PLCB1: variants seen among roughly 807,000 people sequenced by gnomAD.
PLCB1 encodes phospholipase C beta 1, also known as 1-phosphatidylinositol 4,5-bisphosphate phosphodiesterase beta-1.
A neutral mutation model predicts 161.8 loss-of-function variants in PLCB1; 46 were observed. The ratio of observed to expected loss-of-function variants is 0.28; its 90% CI spans 0.22 to 0.36. PLCB1 has a LOEUF of 0.36. Among genes scored for constraint, PLCB1 ranks in the 10% least tolerant of loss-of-function variants. The pLI, the probability that PLCB1 is intolerant of heterozygous loss-of-function variation, is 1.00. For synonymous variants in PLCB1, 517 were observed against 503.7 expected, an observed-to-expected ratio of 1.03 and a Z score of -0.35; for missense variants, 1,016 against 1,472.5, an observed-to-expected ratio of 0.69 and a Z score of 5.07.
intron 10 of PLCB1, among the ~76,000 whole-genome samples, chr20:8,685,607 C>T (rs943036431): frequency 2.4e-4 from 35 of 148,188 alleles, no homozygotes; most frequent in Non-Finnish European, 1.2e-4. Context: ...CGTGGTGGTG[C>T]GTGCCTGTAA....
rs1356952853 is a variant in PLCB1 at position 8,765,128 on chromosome 20, A to G, written c.2711-11A>G. On this transcript the variant is annotated splice_polypyrimidine_tract_variant and intron_variant, in intron 25 of 31. Coordinates refer to ENST00000338037, the MANE Select transcript of PLCB1 (RefSeq NM_015192.4). ...TCCCATTCCCTTAGCTTTCATATTC[A>G]TTTGTTGCAGAAGTGGAAGCACAGA... The G allele has an allele frequency of 1.2e-6, 2 of 1,606,142 alleles. No individual in the cohort carries two copies. The highest frequency in any genetic ancestry group is 1.7e-6 in the Non-Finnish European group (2 of 1,176,098).
At chr20:8,541,756 A>AT (rs1281970913) in intron 3 of PLCB1, among the ~76,000 whole-genome samples, 1 of 152,154 alleles carries the variant, frequency 6.6e-6, no homozygotes, top group Non-Finnish European at 1.5e-5. Context: ...GCTTCACTTA[A>AT]TGGTTTAATT....
chr20:8,391,785 G>GTATATATATATA (rs374178427), intron 3 of PLCB1, among the ~76,000 whole-genome samples: 1 of 115,156 alleles, frequency 8.7e-6, no homozygotes, highest in Non-Finnish European at 1.8e-5. Context: ...ATATGTGTGT[G>GTATATATATATA]TATATATATA....
intron 3 of PLCB1, chr20:8,625,155 C>T (rs938124445): frequency 6.6e-6 from 1 of 152,162 alleles, no homozygotes; most frequent in Admixed American, 6.5e-5. Flanking sequence ...GAATGTCATA[C>T]TCTGGAAAAC....
intron 3 of PLCB1, among the ~76,000 whole-genome samples, chr20:8,409,851 C>G (rs1431922714): frequency 1.3e-5 from 2 of 152,028 alleles, no homozygotes; most frequent in Non-Finnish European, 2.9e-5. Flanking sequence ...TTGATATGAA[C>G]TATGAAGAAA....
intron 2 of PLCB1, among the ~76,000 whole-genome samples, chr20:8,165,792 CCTT>C (rs1373238014): frequency 2.0e-5 from 3 of 152,148 alleles, no homozygotes; most frequent in African/African-American, 7.2e-5. Flanking sequence ...AAAACCCTCT[CCTT>C]CTTGTTTAAA....
chr20:8,834,476 C>A (rs745343469), intron 31 of PLCB1, among the ~76,000 whole-genome samples: 1 of 151,970 alleles, frequency 6.6e-6, no homozygotes, highest in Non-Finnish European at 1.5e-5. Context: ...TGGAGGCTGG[C>A]AAGTCCAAAA....
At chr20:8,440,423 G>A (rs1980506795) in intron 3 of PLCB1, among the ~76,000 whole-genome samples, 1 of 152,182 alleles carries the variant, frequency 6.6e-6, no homozygotes. Context: ...ATTGAAGAAA[G>A]AAGGGAAGCA....
intron 3 of PLCB1, among the ~76,000 whole-genome samples, chr20:8,418,777 G>A (rs1371461931): frequency 6.6e-6 from 1 of 152,128 alleles, no homozygotes; most frequent in African/African-American, 2.4e-5. Flanking sequence ...AGAGGCATGG[G>A]TTGGCTGAAA....
intron 31 of PLCB1, among the ~76,000 whole-genome samples, chr20:8,823,045 G>A (rs73605714): frequency 6.6e-6 from 1 of 152,262 alleles, no homozygotes; most frequent in African/African-American, 2.4e-5. Flanking sequence ...CATTGAGTTA[G>A]GTATTATAAC....
intron 1 of PLCB1, among the ~76,000 whole-genome samples, chr20:8,138,037 C>A (rs925246234): frequency 1.3e-5 from 2 of 152,208 alleles, no homozygotes; most frequent in Non-Finnish European, 2.9e-5. Flanking sequence ...AACAGTTCAA[C>A]AAAACCCTAG....
intron 4 of PLCB1, among the ~76,000 whole-genome samples, chr20:8,633,801 T>C (rs540352021): frequency 3.3e-5 from 5 of 152,190 alleles, no homozygotes; most frequent in African/African-American, 4.8e-5. Context: ...TCCACCCTAC[T>C]AACACCTCTA....
intron 2 of PLCB1, among the ~76,000 whole-genome samples, chr20:8,326,326 T>C (rs1439932179): frequency 6.6e-6 from 1 of 152,202 alleles, no homozygotes; most frequent in East Asian, 1.9e-4. Flanking sequence ...TTCTTTAGCT[T>C]GTGAGTGTTC....
chr20:8,279,892 G>A (rs1018453979), intron 2 of PLCB1, among the ~76,000 whole-genome samples: 3 of 152,166 alleles, frequency 2.0e-5, no homozygotes, highest in Non-Finnish European at 4.4e-5. Context: ...TAGAAGGCAG[G>A]TTAGTGGTTA....
At chr20:8,423,338 G>A (rs927954941) in intron 3 of PLCB1, among the ~76,000 whole-genome samples, 1 of 152,164 alleles carries the variant, frequency 6.6e-6, no homozygotes, top group Non-Finnish European at 1.5e-5. Context: ...AAAGAAGTGA[G>A]TCCTATGATA....
Position 8,759,662 on chromosome 20 carries a change from G to A in PLCB1, c.2657-745G>A, listed in dbSNP as rs150167771. 6.1e-3 allele frequency among the ~76,000 whole-genome samples: 922 copies of A among 151,920 alleles called. 8 individuals carry two copies. The highest frequency in any genetic ancestry group is 0.021 in the African/African-American group (880 of 41,450). ...ATTACAGGCGTGCACCATCACACCC[G>A]GCTAATTTTATATTTTTAGTAGAGA... On this transcript the variant is annotated intron_variant, in intron 24 of 31. Coordinates refer to ENST00000338037, the MANE Select transcript of PLCB1 (RefSeq NM_015192.4).
intron 7 of PLCB1, among the ~76,000 whole-genome samples, chr20:8,654,067 G>T (rs1286045617): frequency 1.3e-5 from 2 of 151,836 alleles, no homozygotes; most frequent in Non-Finnish European, 2.9e-5. Context: ...GGGGGATCTT[G>T]TTTTTATTTT....
Position 8,507,772 on chromosome 20 carries a change from AG to A in PLCB1, c.247-120521del, listed in dbSNP as rs1452387228. Among the ~76,000 whole-genome samples the A allele has an allele frequency of 2.0e-5, 3 of 152,324 alleles. No individual in the cohort carries two copies. In the East Asian group the frequency reaches 5.8e-4, roughly 29 times the overall value. ...AAAGTTAATGCAACAATTATAAAGA[AG>A]ATAAGAACGTAGTATTTGAAAATAA... is the stretch of plus-strand genomic sequence containing the variant. On this transcript the variant is annotated intron_variant, in intron 3 of 31. Transcript: ENST00000338037.
chr20:8,797,468 G>T (rs775321638), intron 31 of PLCB1, among the ~76,000 whole-genome samples: 2 of 151,970 alleles, frequency 1.3e-5, no homozygotes, highest in East Asian at 3.8e-4. Flanking sequence ...CTCTGTCAAT[G>T]AATTGTTTTT....
Sources: gnomAD v4.1 joint callset for allele counts (sites outside exome capture counted in the v4.1 genomes callset) on GRCh38, gnomAD v4.1.1 for gene constraint, MANE v1.5 for transcripts, NCBI Gene and HGNC (gene_info 2026-07-23, HGNC 2026-07-21) for gene names.